The following EXOC3 variants were observed in gnomAD, a reference collection of about 807,000 sequenced individuals.
EXOC3 encodes the protein exocyst complex component 3.
A neutral mutation model predicts 73.7 loss-of-function variants in EXOC3; 21 were observed. The observed-to-expected ratio is 0.29, with a 90% CI of 0.20 to 0.41. EXOC3 has a LOEUF of 0.41. Among genes scored for constraint, EXOC3 ranks in the 10% least tolerant of loss-of-function variants. The pLI is 1.00. For missense variants in EXOC3, 842 were observed against 985.1 expected, an observed-to-expected ratio of 0.85 and a Z score of 1.95; for synonymous variants, 410 against 389.1, an observed-to-expected ratio of 1.05 and a Z score of -0.63.
rs1312993205 is a variant in EXOC3 at position 466,871 on chromosome 5, C to T, written c.2211C>T (p.Ser737=). ...VPLFKDIVVP[S]LNVAKLLK The stretch of plus-strand genomic sequence containing the variant: ...TCTTCAAGGACATTGTGGTGCCCAG[C>T]CTGAACGTGGCCAAGCTGCTCAAGT... Residue 737 remains serine, a synonymous_variant, in exon 13 of 13, where the codon AGC becomes AGT. Transcript: ENST00000512944. The T allele has an allele frequency of 6.2e-7, 1 of 1,610,614 alleles. No homozygotes were observed. Among genetic ancestry groups the T allele is most frequent in the East Asian group, 2.2e-5 (1 of 44,696 alleles).
intron 3 of EXOC3, 140 bp from the exon 4 acceptor site, chr5:453,230 T>A (rs542865253): frequency 3.1e-6 from 2 of 643,854 alleles, no homozygotes; most frequent in South Asian, 3.9e-5. Flanking sequence ...GATAGTTACC[T>A]CAGACACATC....
At position 453,606 on chromosome 5, in the gene EXOC3, A is replaced by G; in HGVS notation, c.601A>G (p.Thr201Ala). 1 of 1,614,000 alleles carries G rather than the reference A, an allele frequency of 6.2e-7. No individual in the cohort carries two copies. Among genetic ancestry groups the G allele is most frequent in the Non-Finnish European group, 8.5e-7 (1 of 1,179,888 alleles). ...GATGGTGCTGCAGAGGTCACTGGTC[A>G]CTGTCCGCCGTGACCCCACCTTGCT... ...LWMVLQRSLV[T>A]VRRDPTLLVS... is the part of the protein sequence containing the mutation. Residue 201 changes from threonine to alanine, a missense_variant, in exon 4 of 13, where the codon ACT (threonine) becomes GCT (alanine). Physicochemically the swap from Thr to Ala is moderately conservative, Grantham distance 58. Transcript: ENST00000512944.
Position 446,188 on chromosome 5 carries a change from T to G in EXOC3, c.-18T>G, listed in dbSNP as rs1737499479. On this transcript the variant is annotated 5_prime_UTR_variant, in exon 2 of 13. The change creates a new upstream start codon in the 5' untranslated region. Coordinates refer to ENST00000512944, the MANE Select transcript of EXOC3 (RefSeq NM_007277.5). ...CCCCTAGCATGAACAGTGTGAGGAT[T>G]CCACCAGCTTTTTCACCATGAAGGA... is the stretch of plus-strand genomic sequence containing the variant. 4 of 1,613,746 alleles carry G rather than the reference T, an allele frequency of 2.5e-6. No individual in the cohort carries two copies. In the Admixed American group the frequency reaches 5.0e-5, roughly 20 times the overall value.
At chr5:465,431 G>C (rs1415067933) in intron 11 of EXOC3, among the ~76,000 whole-genome samples, 159 bp downstream of exon 11, 1 of 152,212 alleles carries the variant, frequency 6.6e-6, no homozygotes, top group African/African-American at 2.4e-5. Flanking sequence ...GGTTGGACAC[G>C]AATGTCCACA....
At chr5:455,818 A>G (rs1336783218) in intron 4 of EXOC3, among the ~76,000 whole-genome samples, 1 of 152,110 alleles carries the variant, frequency 6.6e-6, no homozygotes, top group Non-Finnish European at 1.5e-5. Flanking sequence ...GTTAGCCAGG[A>G]TGGTCTCAAT....
In EXOC3 at chr5:456,987, C is replaced by T. The variant is rs770017835; in HGVS notation, c.1145C>T (p.Thr382Met). 16 of 1,613,254 alleles carry T rather than the reference C, an allele frequency of 9.9e-6. No homozygotes were observed. The highest frequency in any genetic ancestry group is 5.1e-6 in the Non-Finnish European group (6 of 1,179,328). ...CACGTGGTCTCTGAGCTGCTTGACA[C>T]GTACATGTCCACGCTCACTGTGAGT... is the stretch of plus-strand genomic sequence containing the variant. ...SPHVVSELLDTYMSTLTSNII... is the reference protein window; with the variant it reads ...SPHVVSELLDMYMSTLTSNII... The change falls in exon 5 of 13, where the codon ACG becomes ATG. Residue 382 changes from threonine (T) to methionine (M), a missense_variant. Coordinates refer to ENST00000512944, the MANE Select transcript of EXOC3 (RefSeq NM_007277.5).
At chr5:444,706 G>A (rs1412838077) in intron 1 of EXOC3, among the ~76,000 whole-genome samples, 1 of 152,202 alleles carries the variant, frequency 6.6e-6, no homozygotes, top group Non-Finnish European at 1.5e-5. Flanking sequence ...GGATTTAAGG[G>A]GAGTTGTCCC....
chr5:456,065 A>C (rs1052690301), intron 4 of EXOC3, among the ~76,000 whole-genome samples: 2 of 152,156 alleles, frequency 1.3e-5, no homozygotes, highest in African/African-American at 4.8e-5. Context: ...GAGCATATTG[A>C]TGTGGACTGC....
At chr5:449,971 T>C (rs1317568626) in intron 3 of EXOC3, among the ~76,000 whole-genome samples, 7 of 152,144 alleles carry the variant, frequency 4.6e-5, no homozygotes, top group African/African-American at 7.2e-5. Flanking sequence ...TATGGCTGGG[T>C]GCGGTGGCTC....
intron 1 of EXOC3, 143 bp downstream of exon 1, chr5:443,433 C>G (rs894059885): frequency 2.6e-5 from 4 of 152,570 alleles, no homozygotes; most frequent in Admixed American, 6.5e-5. Context: ...GAGGCCGTTC[C>G]GGACCCCGTG....
chr5:451,730 G>A (rs761188523), intron 3 of EXOC3, among the ~76,000 whole-genome samples: 2 of 152,316 alleles, frequency 1.3e-5, no homozygotes, highest in African/African-American at 2.4e-5. Flanking sequence ...AGCATTTCTT[G>A]CAGGGCAGAT....
chr5:457,674 T>C, intron 5 of EXOC3: 1 of 467,428 alleles, frequency 2.1e-6, no homozygotes, highest in Admixed American at 3.5e-5. Context: ...TCCCTCTTTA[T>C]CTGTACCAAG....
intron 9 of EXOC3, among the ~76,000 whole-genome samples, chr5:463,608 T>G (rs1738050737): frequency 6.6e-6 from 1 of 152,256 alleles, no homozygotes. Context: ...CATTGTAGTT[T>G]TAATCTGTAA....
At position 443,195 on chromosome 5, in the gene EXOC3, GAGGCGGAGGCAGCGA is replaced by G. The variant is rs1204111477; in HGVS notation, c.-142_-128del. 2.7e-4 allele frequency: 43 copies of G among 159,562 alleles called. No homozygotes were observed. In the East Asian group the frequency reaches 6.6e-3, roughly 24 times the overall value. 9.9% of individuals were successfully genotyped at this position (159,562 alleles called of 1,614,324 possible). A position where few individuals can be genotyped will look rare whatever the true frequency, so the allele number is the denominator to read the frequency against. Reference sequence around the variant, plus strand: ...CTGTCCACTTCCGGCCGGGACCCCGGAGGCGGAGGCAGCGAAGGCGGAGGGGGCGGCGGGGGCGGC... The same window carrying G: ...CTGTCCACTTCCGGCCGGGACCCCGGAGGCGGAGGGGGCGGCGGGGGCGGC... On this transcript the variant is annotated 5_prime_UTR_variant, in exon 1 of 13. Coordinates refer to ENST00000512944, the MANE Select transcript of EXOC3 (RefSeq NM_007277.5).
At chr5:451,906 T>G (rs1737669182) in intron 3 of EXOC3, among the ~76,000 whole-genome samples, 1 of 152,250 alleles carries the variant, frequency 6.6e-6, no homozygotes, top group Non-Finnish European at 1.5e-5. Context: ...AAGTTTCTGG[T>G]GAGAAATCTG....
intron 1 of EXOC3, among the ~76,000 whole-genome samples, chr5:444,723 G>A (rs1051155090): frequency 1.3e-5 from 2 of 152,114 alleles, no homozygotes; most frequent in African/African-American, 4.8e-5. Flanking sequence ...TCCCTGGGTG[G>A]CGGGATTTAA....
chr5:456,885 A>G lies in EXOC3; in HGVS notation c.1047-4A>G, dbSNP rs771890612. On this transcript the variant is annotated splice_polypyrimidine_tract_variant and splice_region_variant and intron_variant, in intron 4 of 12. Transcript: ENST00000512944. ...TGTCACTCACATTCCTGGTTCCCCC[A>G]TAGTACTGAGATGATGAGGAACGTG... is the stretch of plus-strand genomic sequence containing the variant. 7 of 1,609,984 alleles carry G rather than the reference A, an allele frequency of 4.3e-6. No individual in the cohort carries two copies. Among genetic ancestry groups the G allele is most frequent in the South Asian group, 1.1e-5 (1 of 90,974 alleles).
chr5:452,905 A>G (rs946033152), intron 3 of EXOC3, among the ~76,000 whole-genome samples: 1 of 152,194 alleles, frequency 6.6e-6, no homozygotes, highest in African/African-American at 2.4e-5. Context: ...AATTCCCTGG[A>G]GCTCTGTGGG....
chr5:464,239 T>G lies in EXOC3; in HGVS notation c.1654-51T>G, dbSNP rs1370817528. Reference sequence around the variant, plus strand: ...TGCCTCCCTCCCACATGCACTCGGCTCTCGTGGGACGTTGAGGTGATGATT... The same window carrying G: ...TGCCTCCCTCCCACATGCACTCGGCGCTCGTGGGACGTTGAGGTGATGATT... On this transcript the variant is annotated intron_variant, in intron 9 of 12. Transcript: ENST00000512944. 2.4e-5 allele frequency: 38 copies of G among 1,585,578 alleles called. No homozygotes were observed. The Admixed American group carries it at 6.3e-4, about 26-fold the overall frequency.
Sources: gnomAD v4.1 joint callset for allele counts (sites outside exome capture counted in the v4.1 genomes callset) on GRCh38, gnomAD v4.1.1 for gene constraint, MANE v1.5 for transcripts, NCBI Gene and HGNC (gene_info 2026-07-23, HGNC 2026-07-21) for gene names.